LRMDA: variants seen among roughly 807,000 people sequenced by gnomAD.
The protein encoded by LRMDA is leucine rich melanocyte differentiation associated.
In LRMDA, 18 loss-of-function variants were observed where a neutral mutation model predicts 29.8. The observed-to-expected ratio is 0.60, with a 90% CI of 0.42 to 0.90. LRMDA has a LOEUF of 0.90. LRMDA is among the 40% of genes least tolerant of loss of function. The pLI is 0.00. For synonymous variants in LRMDA, 125 were observed against 109.4 expected (o/e 1.14, Z -0.89); for missense variants, 273 against 273.9 (o/e 1.00, Z 0.02).
chr10:75,596,648 T>C (rs1419524238), intron 2 of LRMDA, among the ~76,000 whole-genome samples: 6 of 152,218 alleles, frequency 3.9e-5, no homozygotes, highest in African/African-American at 1.2e-4. Context: ...GTAATTAGCA[T>C]ATCCATCATC....
chr10:75,705,979 C>T (rs555552999), intron 2 of LRMDA, among the ~76,000 whole-genome samples: 4 of 152,208 alleles, frequency 2.6e-5, no homozygotes, highest in Admixed American at 6.5e-5. Context: ...TTAATCTTGC[C>T]GCATTATCAC....
intron 6 of LRMDA, among the ~76,000 whole-genome samples, chr10:76,382,041 G>A (rs1245302975): frequency 1.3e-5 from 2 of 152,210 alleles, no homozygotes; most frequent in African/African-American, 4.8e-5. Flanking sequence ...GCACGTGAAA[G>A]CACATTGTTG....
intron 2 of LRMDA, among the ~76,000 whole-genome samples, chr10:75,694,936 G>C (rs1421111772): frequency 6.6e-6 from 1 of 152,174 alleles, no homozygotes; most frequent in African/African-American, 2.4e-5. Context: ...GACAGTCACT[G>C]TCTGACTGCT....
At chr10:75,797,666 T>C (rs1169462599) in intron 2 of LRMDA, among the ~76,000 whole-genome samples, 2 of 152,204 alleles carry the variant, frequency 1.3e-5, no homozygotes, top group Non-Finnish European at 2.9e-5. Flanking sequence ...GTGTCTGGCT[T>C]CTTTCGTTTA....
intron 6 of LRMDA, among the ~76,000 whole-genome samples, chr10:76,430,608 G>C (rs903449037): frequency 3.3e-5 from 5 of 152,158 alleles, no homozygotes; most frequent in African/African-American, 4.8e-5. Flanking sequence ...GAGCTCTACT[G>C]TTTCCTCCTA....
In LRMDA at chr10:76,373,642, A is replaced by G. The variant is rs149568975; in HGVS notation, c.601+49157A>G. On this transcript the variant is annotated intron_variant, in intron 6 of 6. Coordinates refer to ENST00000611255, the MANE Select transcript of LRMDA (RefSeq NM_001305581.2). ...AATGTGTCTACCTTTGGGAAGGCCC[A>G]ATTGGCCAGTTCCTAGACAGTTTTT... 3.1e-3 allele frequency among the ~76,000 whole-genome samples: 476 copies of G among 152,186 alleles called. 4 individuals are homozygous for G. The highest frequency in any genetic ancestry group is 0.011 in the African/African-American group (446 of 41,534).
Position 76,036,802 on chromosome 10 carries a change from G to C in LRMDA, c.258+668G>C, listed in dbSNP as rs545345431. Among the ~76,000 whole-genome samples, 12 of 152,268 alleles carry C rather than the reference G, an allele frequency of 7.9e-5. No individual in the cohort carries two copies. The South Asian group carries it at 2.5e-3, about 32-fold the overall frequency. ...TAACTGCTCTGGATTCTGTAGTGGG[G>C]ATGGAAACAGGGAACCCTTGCTGCA... On this transcript the variant is annotated intron_variant, in intron 3 of 6. Coordinates refer to ENST00000611255, the MANE Select transcript of LRMDA (RefSeq NM_001305581.2).
At chr10:76,170,280 T>C (rs1850811219) in intron 5 of LRMDA, among the ~76,000 whole-genome samples, 1 of 152,238 alleles carries the variant, frequency 6.6e-6, no homozygotes, top group Admixed American at 6.5e-5. Context: ...AACTGCTCAG[T>C]AGAGATGCCT....
intron 6 of LRMDA, among the ~76,000 whole-genome samples, chr10:76,532,618 G>A (rs905714370): frequency 6.6e-6 from 1 of 152,140 alleles, no homozygotes; most frequent in Admixed American, 6.6e-5. Flanking sequence ...GAGAAAACAA[G>A]GAACCATTAA....
At chr10:75,511,730 C>G (rs1245599392) in intron 2 of LRMDA, among the ~76,000 whole-genome samples, 1 of 152,180 alleles carries the variant, frequency 6.6e-6, no homozygotes, top group Non-Finnish European at 1.5e-5. Flanking sequence ...CCAGATGGCT[C>G]AAGACACTTG....
intron 2 of LRMDA, among the ~76,000 whole-genome samples, chr10:75,777,643 T>C (rs1843329841): frequency 6.6e-6 from 1 of 152,230 alleles, no homozygotes; most frequent in Non-Finnish European, 1.5e-5. Flanking sequence ...AGAGGCATTG[T>C]GGTCTAGCGG....
intron 5 of LRMDA, among the ~76,000 whole-genome samples, chr10:76,087,146 C>A (rs1337117209): frequency 6.6e-6 from 1 of 152,136 alleles, no homozygotes; most frequent in Admixed American, 6.5e-5. Flanking sequence ...GGTGGCATGC[C>A]AGTGCACCCC....
At chr10:76,076,412 CT>C (rs1848959145) in intron 5 of LRMDA, among the ~76,000 whole-genome samples, 1 of 144,202 alleles carries the variant, frequency 6.9e-6, no homozygotes, top group African/African-American at 2.5e-5. Flanking sequence ...TCTCTTTCTT[CT>C]TTTTTGCCTT....
intron 6 of LRMDA, among the ~76,000 whole-genome samples, chr10:76,364,333 T>C (rs1326213103): frequency 6.6e-6 from 1 of 152,176 alleles, no homozygotes; most frequent in Non-Finnish European, 1.5e-5. Context: ...GGGAATAATA[T>C]CTTTTGTTTG....
chr10:76,192,962 G>T (rs749373634), intron 5 of LRMDA, among the ~76,000 whole-genome samples: 1 of 152,128 alleles, frequency 6.6e-6, no homozygotes, highest in Non-Finnish European at 1.5e-5. Context: ...CAATATATTT[G>T]AAAGCAAATT....
At chr10:75,674,540 G>A (rs927010195) in intron 2 of LRMDA, among the ~76,000 whole-genome samples, 3 of 151,972 alleles carry the variant, frequency 2.0e-5, no homozygotes, top group African/African-American at 4.8e-5. Context: ...GTTATCACCC[G>A]GTGATTGAAT....
At chr10:76,191,463 C>T (rs1381532719) in intron 5 of LRMDA, among the ~76,000 whole-genome samples, 1 of 152,188 alleles carries the variant, frequency 6.6e-6, no homozygotes, top group Non-Finnish European at 1.5e-5. Flanking sequence ...TCCCCAAACA[C>T]CTCAGCCCCT....
At chr10:76,020,547 C>T (rs574742525) in intron 2 of LRMDA, among the ~76,000 whole-genome samples, 5 of 152,290 alleles carry the variant, frequency 3.3e-5, no homozygotes, top group African/African-American at 1.2e-4. Flanking sequence ...TCCTTCAACC[C>T]CAGTGCAGGC....
At chr10:75,561,439 T>C (rs1187035056) in intron 2 of LRMDA, among the ~76,000 whole-genome samples, 2 of 152,040 alleles carry the variant, frequency 1.3e-5, no homozygotes, top group Non-Finnish European at 2.9e-5. Flanking sequence ...TTATTAGTCT[T>C]GCTAGCGGTC....
Sources: gnomAD v4.1 joint callset for allele counts (sites outside exome capture counted in the v4.1 genomes callset) on GRCh38, gnomAD v4.1.1 for gene constraint, MANE v1.5 for transcripts, NCBI Gene and HGNC (gene_info 2026-07-23, HGNC 2026-07-21) for gene names.